The following TTC6 variants were observed in gnomAD, a reference collection of about 807,000 sequenced individuals.
TTC6 encodes the protein tetratricopeptide repeat protein 6.
Under a neutral mutation model 210.4 loss-of-function variants are expected in TTC6, and 172 were observed. The observed-to-expected ratio is 0.82, with a 90% CI of 0.72 to 0.93. The LOEUF (loss-of-function observed/expected upper bound fraction) is 0.93. Ranked by LOEUF, TTC6 falls within the 40% of genes least tolerant of loss-of-function variation. The pLI, the probability that TTC6 is intolerant of heterozygous loss-of-function variation, is 0.00. For missense variants in TTC6, 2,414 were observed against 2,318.1 expected (o/e 1.04, Z -0.85); for synonymous variants, 804 against 819.6 (o/e 0.98, Z 0.32).
chr14:37,800,030 A>G (rs1393028226), intron 20 of TTC6, among the ~76,000 whole-genome samples: 2 of 152,134 alleles, frequency 1.3e-5, no homozygotes, highest in African/African-American at 4.8e-5. Context: ...CAGCAACAAG[A>G]AAATAATACA....
chr14:37,807,819 C>A (rs1342702186), intron 23 of TTC6, among the ~76,000 whole-genome samples: 1 of 152,076 alleles, frequency 6.6e-6, no homozygotes. Context: ...TTATTTTCCT[C>A]ATAATATATG....
intron 3 of TTC6, among the ~76,000 whole-genome samples, chr14:37,683,547 A>G (rs949821159): frequency 6.6e-6 from 1 of 152,160 alleles, no homozygotes; most frequent in African/African-American, 2.4e-5. Context: ...ACATAGGACA[A>G]TAAGATATTT....
At chr14:37,711,218 A>G (rs541803473) in intron 5 of TTC6, among the ~76,000 whole-genome samples, 26 of 152,288 alleles carry the variant, frequency 1.7e-4, no homozygotes, top group African/African-American at 5.1e-4. Context: ...CCAAAATTCA[A>G]CAATATTTAT....
rs77920128 is a variant in TTC6, at chr14:37,829,377, T to G, written c.5298+2011T>G. Among the ~76,000 whole-genome samples, 511 of 152,048 alleles carry G rather than the reference T, an allele frequency of 3.4e-3. 2 individuals are homozygous for G. The highest frequency in any genetic ancestry group is 0.012 in the African/African-American group (488 of 41,542). On this transcript the variant is annotated intron_variant, in intron 29 of 30. Transcript: ENST00000553443. ...CTCCCTGGTTTTTTATTTTTTGGCT[T>G]TTTTTCAGTTTTTGTAATATTTAGG...
At chr14:37,815,773 G>A (rs2096140005) in intron 25 of TTC6, among the ~76,000 whole-genome samples, 1 of 152,030 alleles carries the variant, frequency 6.6e-6, no homozygotes, top group Admixed American at 6.6e-5. Flanking sequence ...TAATGCAGAA[G>A]AGAAAAATTA....
intron 26 of TTC6, among the ~76,000 whole-genome samples, chr14:37,820,852 G>C (rs1433395348): frequency 6.6e-6 from 1 of 151,930 alleles, no homozygotes; most frequent in Non-Finnish European, 1.5e-5. Context: ...GAAAGGCAAA[G>C]TGGTCTTCTT....
rs369694046 is a variant in TTC6 at position 37,762,882 on chromosome 14, C to CTT, written c.3266+9662_3266+9663dup. Reference sequence around the variant, plus strand: ...TTTTCTTTTTCTTTTCTTTTCTTTTCTTTTTTTTTTTTTTTTGAGACGGAG... The same window carrying CTT: ...TTTTCTTTTTCTTTTCTTTTCTTTTCTTTTTTTTTTTTTTTTTTGAGACGGAG... On this transcript the variant is annotated intron_variant, in intron 14 of 30. Transcript: ENST00000553443. 1.9e-3 allele frequency among the ~76,000 whole-genome samples: 241 copies of CTT among 129,562 alleles called. 3 individuals carry two copies. The highest frequency in any genetic ancestry group is 6.1e-3 in the African/African-American group (212 of 34,830). The allele number at this position is 129,562 out of a possible 152,430, so 85.0% of individuals were successfully genotyped here.
intron 10 of TTC6, among the ~76,000 whole-genome samples, chr14:37,742,227 G>A (rs1209868330): frequency 1.3e-5 from 2 of 152,094 alleles, no homozygotes; most frequent in African/African-American, 2.4e-5. Flanking sequence ...ATTGTCCTTA[G>A]TCTTAACTCA....
intron 1 of TTC6, among the ~76,000 whole-genome samples, chr14:37,675,880 G>A (rs1369473927): frequency 1.3e-5 from 2 of 151,302 alleles, no homozygotes; most frequent in Middle Eastern, 3.2e-3. Flanking sequence ...TATCTTCTTT[G>A]GAGAAATGTC....
intron 2 of TTC6, among the ~76,000 whole-genome samples, chr14:37,610,586 A>C (rs1236726376): frequency 1.3e-5 from 2 of 152,238 alleles, no homozygotes; most frequent in African/African-American, 4.8e-5. Flanking sequence ...AACACAACAC[A>C]AAACAATGGT....
At chr14:37,632,546 G>A (rs187058701) in intron 1 of TTC6, among the ~76,000 whole-genome samples, 1 of 152,308 alleles carries the variant, frequency 6.6e-6, no homozygotes, top group Non-Finnish European at 1.5e-5. Context: ...TGTATGAAGT[G>A]TCTGTTTACC....
rs2095725304 is a variant in TTC6, at chr14:37,657,101, A to G, written c.940-23050A>G. 2.0e-5 allele frequency among the ~76,000 whole-genome samples: 3 copies of G among 150,930 alleles called. No individual in the cohort carries two copies. The South Asian group carries it at 6.3e-4, about 32-fold the overall frequency. The stretch of plus-strand genomic sequence containing the variant: ...GTGGCGCATACCGGTAGCCCCAGCT[A>G]CTCGGCAGGCTGAGGCAGGAGAACC... On this transcript the variant is annotated intron_variant, in intron 1 of 30. Coordinates refer to ENST00000553443, the Ensembl canonical transcript of TTC6.
chr14:37,598,568 A>G lies in TTC6; in HGVS notation c.-235+2560A>G, dbSNP rs1309103999. Reference sequence around the variant, plus strand: ...GCTGCCTCAGCTTACACTTCCCAGCAGGATCTGGCTGGGAGCCCCTTCCTC... The same window carrying G: ...GCTGCCTCAGCTTACACTTCCCAGCGGGATCTGGCTGGGAGCCCCTTCCTC... On this transcript the variant is annotated intron_variant, in intron 1 of 2. Transcript: ENST00000556845. The surrounding 1 kb of genome is among the most constrained non-coding windows in gnomAD (Gnocchi z 4.9). Among the ~76,000 whole-genome samples, 1 of 152,180 alleles carries G rather than the reference A, an allele frequency of 6.6e-6. No homozygotes were observed. Among genetic ancestry groups the G allele is most frequent in the African/African-American group, 2.4e-5 (1 of 41,450 alleles).
intron 5 of TTC6, among the ~76,000 whole-genome samples, chr14:37,706,212 GT>G (rs2095835262): frequency 6.6e-6 from 1 of 152,096 alleles, no homozygotes; most frequent in Non-Finnish European, 1.5e-5. Flanking sequence ...ACATGATCAG[GT>G]TTGCTTTAAG....
At chr14:37,722,759 G>A (rs1443646711) in intron 6 of TTC6, among the ~76,000 whole-genome samples, 1 of 152,174 alleles carries the variant, frequency 6.6e-6, no homozygotes, top group Admixed American at 6.5e-5. Context: ...TAATGTTGAT[G>A]TTAACCTCGA....
Position 37,633,885 on chromosome 14 carries a change from G to C in TTC6, c.939+10882G>C, listed in dbSNP as rs575993920. Among the ~76,000 whole-genome samples, 3 of 152,264 alleles carry C rather than the reference G, an allele frequency of 2.0e-5. No individual in the cohort carries two copies. In the East Asian group the frequency reaches 5.8e-4, roughly 29 times the overall value. ...AGTAACAAGGAGGCCCCCATCCCTG[G>C]TGCCAGTAAAGGCTGAGTGGGAACC... is the stretch of plus-strand genomic sequence containing the variant. On this transcript the variant is annotated intron_variant, in intron 1 of 30. Coordinates refer to ENST00000553443, the Ensembl canonical transcript of TTC6.
intron 2 of TTC6, among the ~76,000 whole-genome samples, chr14:37,609,974 T>A (rs2095631615): frequency 6.6e-6 from 1 of 152,206 alleles, no homozygotes; most frequent in Non-Finnish European, 1.5e-5. Context: ...TGCAGAATGC[T>A]TCTCATCTTG....
In TTC6 at chr14:37,661,082, A is replaced by G. The variant is rs574198621; in HGVS notation, c.940-19069A>G. Among the ~76,000 whole-genome samples, 6 of 152,286 alleles carry G rather than the reference A, an allele frequency of 3.9e-5. No individual in the cohort carries two copies. In the South Asian group the frequency reaches 1.2e-3, roughly 32 times the overall value. ...TTGAGTTCCTTTGTAGATTCTGGAT[A>G]TTAAACCTTTGTTGGATAGGTAGAT... On this transcript the variant is annotated intron_variant, in intron 1 of 30. Transcript: ENST00000553443.
At chr14:37,813,099 T>C (rs1301280467) in intron 25 of TTC6, among the ~76,000 whole-genome samples, 2 of 152,196 alleles carry the variant, frequency 1.3e-5, no homozygotes, top group Non-Finnish European at 2.9e-5. Context: ...ATAACAGTTT[T>C]GCTTCTTTGT....
Sources: allele counts gnomAD v4.1 joint callset (sites outside exome capture counted in the v4.1 genomes callset), GRCh38; gene constraint gnomAD v4.1.1; non-coding constraint Gnocchi (gnomAD v3.1); transcripts MANE v1.5; gene names NCBI Gene and HGNC (gene_info 2026-07-23, HGNC 2026-07-21).